LMBR1: variants seen among roughly 807,000 people sequenced by gnomAD.
LMBR1 encodes the protein limb region 1 protein homolog.
LMBR1 carries 52 observed loss-of-function variants against 73.9 expected under a neutral mutation model. The ratio of observed to expected loss-of-function variants is 0.70; its 90% CI spans 0.56 to 0.89. The LOEUF (loss-of-function observed/expected upper bound fraction) is 0.89, where lower values mean the gene tolerates loss of function less well. Among genes scored for constraint, LMBR1 ranks in the 40% least tolerant of loss-of-function variants. LMBR1 has a pLI of 0.00. For missense variants in LMBR1, 539 were observed against 579.8 expected (o/e 0.93, Z 0.72); for synonymous variants, 215 against 209.4 (o/e 1.03, Z -0.23).
At chr7:156,762,677 C>T (rs1273166310) in intron 7 of LMBR1, among the ~76,000 whole-genome samples, 1 of 152,144 alleles carries the variant, frequency 6.6e-6, no homozygotes, top group African/African-American at 2.4e-5. Flanking sequence ...TTTTAAAAAA[C>T]CACAAACTTA....
chr7:156,704,337 G>T lies in LMBR1; in HGVS notation c.1226-16146C>A, dbSNP rs149629718. On this transcript the variant is annotated intron_variant, in intron 15 of 16. Transcript: ENST00000353442. ...CAACAAACCCACAGCTACCACAAAG[G>T]CTATTTATAGCCAAAGAAATCATGC... is the stretch of plus-strand genomic sequence containing the variant. 2.0e-5 allele frequency among the ~76,000 whole-genome samples: 3 copies of T among 152,112 alleles called. 1 individual carries two copies. Among genetic ancestry groups the T allele is most frequent in the Middle Eastern group, 6.8e-3 (2 of 294 alleles).
chr7:156,814,361 A>T (rs569050300), intron 4 of LMBR1, among the ~76,000 whole-genome samples: 1 of 152,364 alleles, frequency 6.6e-6, no homozygotes, highest in African/African-American at 2.4e-5. Flanking sequence ...TAATTCTATC[A>T]ACATAAAACA....
At chr7:156,784,654 A>AT (rs1827759304) in intron 5 of LMBR1, among the ~76,000 whole-genome samples, 1 of 152,244 alleles carries the variant, frequency 6.6e-6, no homozygotes, top group South Asian at 2.1e-4. Flanking sequence ...CAATCTGTGA[A>AT]ACTGCATAAT....
intron 1 of LMBR1, among the ~76,000 whole-genome samples, chr7:156,883,188 G>C (rs1465611045): frequency 6.6e-6 from 1 of 152,146 alleles, no homozygotes; most frequent in Non-Finnish European, 1.5e-5. Flanking sequence ...ATCACCTGAG[G>C]TCTGGAGTTC....
At chr7:156,866,144 C>G (rs750306648) in intron 1 of LMBR1, among the ~76,000 whole-genome samples, 1 of 151,382 alleles carries the variant, frequency 6.6e-6, no homozygotes, top group Non-Finnish European at 1.5e-5. Flanking sequence ...AAAAAGATGA[C>G]CCATAGAATA....
chr7:156,825,108 G>A (rs1211334334), intron 4 of LMBR1, among the ~76,000 whole-genome samples: 3 of 129,154 alleles, frequency 2.3e-5, no homozygotes, highest in African/African-American at 8.9e-5. Context: ...ATGGAAACAA[G>A]CTATCTCTGA....
intron 15 of LMBR1, among the ~76,000 whole-genome samples, chr7:156,711,660 T>C (rs1453888580): frequency 6.6e-6 from 1 of 151,794 alleles, no homozygotes; most frequent in Non-Finnish European, 1.5e-5. Context: ...CAGACACAGA[T>C]CAATGGAACA....
intron 15 of LMBR1, among the ~76,000 whole-genome samples, chr7:156,704,169 C>A (rs572691366): frequency 6.6e-6 from 1 of 152,180 alleles, no homozygotes; most frequent in Non-Finnish European, 1.5e-5. Context: ...AACACAGGCG[C>A]CAGAATACAC....
chr7:156,722,126 G>T (rs1001694084), intron 15 of LMBR1, among the ~76,000 whole-genome samples: 5 of 151,994 alleles, frequency 3.3e-5, no homozygotes, highest in African/African-American at 1.2e-4. Flanking sequence ...GATAAAATAT[G>T]ATTTTTCTTG....
At chr7:156,755,493 A>T (rs1288313699) in intron 9 of LMBR1, among the ~76,000 whole-genome samples, 1 of 152,272 alleles carries the variant, frequency 6.6e-6, no homozygotes, top group Non-Finnish European at 1.5e-5. Flanking sequence ...TGCAGGGAGC[A>T]GCTTGACACA....
At chr7:156,840,015 G>T (rs1476286636) in intron 1 of LMBR1, among the ~76,000 whole-genome samples, 1 of 152,194 alleles carries the variant, frequency 6.6e-6, no homozygotes, top group Admixed American at 6.5e-5. Context: ...AAGAGCAATG[G>T]AGAGAAGACA....
rs150460957 is a variant in LMBR1 at position 156,763,323 on chromosome 7, T to C, written c.551-147A>G. 1.5e-3 allele frequency: 701 copies of C among 471,730 alleles called. 3 individuals are homozygous for C. The highest frequency in any genetic ancestry group is 0.013 in the African/African-American group (638 of 48,936). 29.2% of individuals were successfully genotyped at this position (471,730 alleles called of 1,614,324 possible). ...TTAGTTTATTAAGCCATATAATTTC[T>C]AAATTGTACAATAAAAAGATCTAAA... On this transcript the variant is annotated intron_variant, in intron 6 of 16. Transcript: ENST00000353442.
At chr7:156,704,755 T>TA (rs201275771) in intron 15 of LMBR1, among the ~76,000 whole-genome samples, 12,896 of 136,750 alleles carry the variant, frequency 0.094, 703 homozygotes, top group African/African-American at 0.16. Flanking sequence ...TAGTTGTCTT[T>TA]AAAAAAAAAA....
chr7:156,725,632 G>A (rs1052634455), intron 13 of LMBR1, 107 bp from the exon 14 acceptor site: 11 of 1,190,622 alleles, frequency 9.2e-6, no homozygotes, highest in Middle Eastern at 2.0e-4. Context: ...ACAAAAAGCC[G>A]CTTTAAGTGC....
At chr7:156,826,531 A>G in intron 4 of LMBR1, 74 bp downstream of exon 4, 1 of 1,052,222 alleles carries the variant, frequency 9.5e-7, no homozygotes, top group South Asian at 3.4e-5. Context: ...AACTGAGAAA[A>G]GAAAAATCTA....
chr7:156,884,088 A>C, intron 1 of LMBR1, among the ~76,000 whole-genome samples: 1 of 152,216 alleles, frequency 6.6e-6, no homozygotes, highest in Non-Finnish European at 1.5e-5. Context: ...CTATGTTAGA[A>C]AATCACTTCA....
At chr7:156,763,250 TAAGA>T in intron 6 of LMBR1, 74 bp from the exon 7 acceptor site, 3 of 643,324 alleles carry the variant, frequency 4.7e-6, no homozygotes, top group South Asian at 4.2e-5. Context: ...TATCTTACGA[TAAGA>T]TAGAGGCTGA....
intron 4 of LMBR1, among the ~76,000 whole-genome samples, chr7:156,817,625 G>C (rs1834130574): frequency 6.6e-6 from 1 of 151,636 alleles, no homozygotes; most frequent in African/African-American, 2.4e-5. Context: ...ATGAAATGTG[G>C]GACTTTTTAT....
intron 4 of LMBR1, among the ~76,000 whole-genome samples, chr7:156,814,868 G>A (rs1358407950): frequency 1.3e-5 from 2 of 152,018 alleles, no homozygotes; most frequent in Non-Finnish European, 2.9e-5. Context: ...TCATAAAAAT[G>A]GTACAAGGCC....
Sources: allele counts gnomAD v4.1 joint callset (sites outside exome capture counted in the v4.1 genomes callset), GRCh38; gene constraint gnomAD v4.1.1; transcripts MANE v1.5; gene names NCBI Gene and HGNC (gene_info 2026-07-23, HGNC 2026-07-21).